Variants in GLIS1 observed in about 807,000 individuals in gnomAD.
GLIS1 encodes the protein GLIS family zinc finger 1.
A neutral mutation model predicts 63.8 loss-of-function variants in GLIS1; 24 were observed. The observed-to-expected ratio is 0.38, with a 90% CI of 0.27 to 0.53. GLIS1 has a LOEUF of 0.53. GLIS1 is among the 20% of genes least tolerant of loss of function. GLIS1 has a pLI of 0.85. For synonymous variants in GLIS1, 450 were observed against 482.5 expected (o/e 0.93, Z 0.88); for missense variants, 1,036 against 1,074.1 (o/e 0.96, Z 0.50).
At chr1:53,564,364 A>G (rs544150091) in intron 4 of GLIS1, among the ~76,000 whole-genome samples, 1 of 152,304 alleles carries the variant, frequency 6.6e-6, no homozygotes, top group African/African-American at 2.4e-5. Flanking sequence ...TAAAAAGCAA[A>G]ATAAAAGACA....
intron 4 of GLIS1, among the ~76,000 whole-genome samples, chr1:53,589,545 T>C (rs1645168249): frequency 6.6e-6 from 1 of 152,150 alleles, no homozygotes; most frequent in Non-Finnish European, 1.5e-5. Flanking sequence ...GTGTTCTGAG[T>C]TCCTTGGCTA....
At chr1:53,618,358 T>G (rs1645504883) in intron 2 of GLIS1, among the ~76,000 whole-genome samples, 1 of 152,164 alleles carries the variant, frequency 6.6e-6, no homozygotes, top group African/African-American at 2.4e-5. Flanking sequence ...AGATGAGAGA[T>G]AAGAAGCCCT....
At chr1:53,656,419 C>G (rs1431719159) in intron 2 of GLIS1, among the ~76,000 whole-genome samples, 1 of 152,222 alleles carries the variant, frequency 6.6e-6, no homozygotes, top group Non-Finnish European at 1.5e-5. Context: ...GAACAAAGCT[C>G]CCCTTTCTGC....
intron 2 of GLIS1, among the ~76,000 whole-genome samples, chr1:53,632,395 T>C (rs751023520): frequency 1.5e-5 from 2 of 132,272 alleles, no homozygotes; most frequent in Non-Finnish European, 3.2e-5. Flanking sequence ...GACTGAGGGG[T>C]GTTTGAGTGT....
At chr1:53,736,059 G>T (rs192718095) in intron 2 of GLIS1, among the ~76,000 whole-genome samples, 110 of 152,264 alleles carry the variant, frequency 7.2e-4, no homozygotes, top group African/African-American at 2.5e-3. Context: ...CTTCAAATGA[G>T]TGGGATACAT....
intron 2 of GLIS1, among the ~76,000 whole-genome samples, chr1:53,722,779 G>A (rs1285209228): frequency 6.6e-6 from 1 of 151,356 alleles, no homozygotes; most frequent in African/African-American, 2.4e-5. Context: ...GCTACAGTGA[G>A]CTGTGATTGG....
At chr1:53,717,126 G>A (rs949457696) in intron 2 of GLIS1, among the ~76,000 whole-genome samples, 2 of 152,154 alleles carry the variant, frequency 1.3e-5, no homozygotes, top group Non-Finnish European at 2.9e-5. Context: ...CCGTCCTGAT[G>A]CCAGATGGCC....
At chr1:53,533,390 G>A (rs1180259139) in intron 4 of GLIS1, among the ~76,000 whole-genome samples, 1 of 152,190 alleles carries the variant, frequency 6.6e-6, no homozygotes, top group Non-Finnish European at 1.5e-5. Context: ...GCACCCCTGT[G>A]AGTACACCCC....
intron 8 of GLIS1, among the ~76,000 whole-genome samples, chr1:53,510,374 G>A (rs2100253158): frequency 6.6e-6 from 1 of 152,288 alleles, no homozygotes; most frequent in South Asian, 2.1e-4. Context: ...TTCCTGGACG[G>A]GCTGCTGGCT....
intron 2 of GLIS1, among the ~76,000 whole-genome samples, chr1:53,635,453 A>G (rs1216634045): frequency 6.6e-6 from 1 of 152,198 alleles, no homozygotes; most frequent in African/African-American, 2.4e-5. Flanking sequence ...TATGGCTATC[A>G]TATTCCCTAA....
chr1:53,643,511 C>T (rs1240941612), intron 2 of GLIS1, among the ~76,000 whole-genome samples: 1 of 152,186 alleles, frequency 6.6e-6, no homozygotes, highest in African/African-American at 2.4e-5. Flanking sequence ...ATCTGGGCCT[C>T]AGTCTCCCCA....
intron 2 of GLIS1, among the ~76,000 whole-genome samples, chr1:53,731,663 T>A (rs1263644696): frequency 6.6e-6 from 1 of 152,188 alleles, no homozygotes; most frequent in Non-Finnish European, 1.5e-5. Context: ...ATTAGAACAG[T>A]GCCTCCTTTC....
Position 53,701,998 on chromosome 1 carries a change from GAAAAAA to G in GLIS1, c.259+35802_259+35807del, listed in dbSNP as rs919008620. 4.9e-3 allele frequency among the ~76,000 whole-genome samples: 274 copies of G among 56,304 alleles called. 2 individuals are homozygous for G. The highest frequency in any genetic ancestry group is 0.015 in the African/African-American group (267 of 17,806). 36.9% of individuals were successfully genotyped at this position (56,304 alleles called of 152,430 possible). A position where few individuals can be genotyped will look rare whatever the true frequency, so the allele number is the denominator to read the frequency against. ...ACAGAGCAAGGCTCTACCTAAAAAA[GAAAAAA>G]AAAAAAAAAAAAAAAAAAGAAAGTC... is the stretch of plus-strand genomic sequence containing the variant. On this transcript the variant is annotated intron_variant, in intron 2 of 10. Transcript: ENST00000628545.
chr1:53,529,269 A>G (rs1223021296), intron 5 of GLIS1, among the ~76,000 whole-genome samples: 2 of 152,180 alleles, frequency 1.3e-5, no homozygotes, highest in Admixed American at 1.3e-4. Context: ...CTGGAGTCTT[A>G]GGCACTGCCC....
chr1:53,576,524 C>T (rs1645033524), intron 4 of GLIS1, among the ~76,000 whole-genome samples: 1 of 152,158 alleles, frequency 6.6e-6, no homozygotes, highest in East Asian at 1.9e-4. Flanking sequence ...CACCCCTGAC[C>T]TCCCGCCTCC....
intron 2 of GLIS1, among the ~76,000 whole-genome samples, chr1:53,710,584 C>G (rs1317381119): frequency 6.6e-6 from 1 of 152,232 alleles, no homozygotes; most frequent in Non-Finnish European, 1.5e-5. Flanking sequence ...GACAATAACA[C>G]CTACTTCACA....
At chr1:53,587,665 C>A (rs1460698713) in intron 4 of GLIS1, among the ~76,000 whole-genome samples, 2 of 152,238 alleles carry the variant, frequency 1.3e-5, no homozygotes, top group Non-Finnish European at 2.9e-5. Context: ...GCAACAGGCT[C>A]TCAAGGTGAC....
chr1:53,663,180 C>G lies in GLIS1; in HGVS notation c.260-62902G>C, dbSNP rs571205592. Among the ~76,000 whole-genome samples the G allele has an allele frequency of 4.5e-4, 68 of 152,328 alleles. 1 individual carries two copies. The highest frequency in any genetic ancestry group is 2.0e-3 in the Admixed American group (30 of 15,306). Reference sequence around the variant, plus strand: ...ACCTCCCATCTCAGCCTGTGTGGCCCCAGCCCCATCTGCACACTTGGCCTG... The same window carrying G: ...ACCTCCCATCTCAGCCTGTGTGGCCGCAGCCCCATCTGCACACTTGGCCTG... On this transcript the variant is annotated intron_variant, in intron 2 of 10. Coordinates refer to ENST00000628545, the MANE Select transcript of GLIS1 (RefSeq NM_001367484.1).
rs1198305424 is a variant in GLIS1, at chr1:53,526,708, G to A, written c.1483-1821C>T. Reference sequence around the variant, plus strand: ...TGGGGATGCTGATACAAATCCACTCGCTTTCGTCTAAAAGCAAACAAGCTG... The same window carrying A: ...TGGGGATGCTGATACAAATCCACTCACTTTCGTCTAAAAGCAAACAAGCTG... On this transcript the variant is annotated intron_variant, in intron 5 of 10. Transcript: ENST00000628545. This position sits in a 1 kb window ranked among gnomAD's most constrained non-coding sequence, Gnocchi z 4.4. 6.6e-6 allele frequency among the ~76,000 whole-genome samples: 1 copy of A among 152,248 alleles called. No individual in the cohort carries two copies. Among genetic ancestry groups the A allele is most frequent in the Non-Finnish European group, 1.5e-5 (1 of 68,048 alleles).
Sources: gnomAD v4.1 joint callset for allele counts (sites outside exome capture counted in the v4.1 genomes callset) on GRCh38, gnomAD v4.1.1 for gene constraint, Gnocchi (gnomAD v3.1) non-coding constraint, MANE v1.5 for transcripts, NCBI Gene and HGNC (gene_info 2026-07-23, HGNC 2026-07-21) for gene names.